Variants in RARS2 observed in about 807,000 individuals in gnomAD.
RARS2 encodes probable arginine--tRNA ligase, mitochondrial.
RARS2 carries 67 observed loss-of-function variants against 88.5 expected under a neutral mutation model. The ratio of observed to expected loss-of-function variants is 0.76; its 90% CI spans 0.62 to 0.93. The LOEUF (loss-of-function observed/expected upper bound fraction) is 0.93, where lower values mean the gene tolerates loss of function less well. Among genes scored for constraint, RARS2 ranks in the 40% least tolerant of loss-of-function variants. The pLI, the probability that RARS2 is intolerant of heterozygous loss-of-function variation, is 0.00. For synonymous variants in RARS2, 239 were observed against 230.3 expected (o/e 1.04, Z -0.34); for missense variants, 664 against 684.2 (o/e 0.97, Z 0.33).
In RARS2 at chr6:87,519,697, C is replaced by A; in HGVS notation, c.1123G>T (p.Val375Leu). Residue 375 changes from valine to leucine, a missense_variant, in exon 14 of 20, where the codon GTG becomes TTG. Val to Leu is a conservative substitution (Grantham distance 32). Transcript: ENST00000369536. The stretch of plus-strand genomic sequence containing the variant: ...ATTCCCTGTACTACTCCAAAGGGCA[C>A]GTGCTGGCACCTAAAAGAGTGGGCA... ...GYDWAERCQH[V>L]PFGVVQGMKT... 6.2e-7 allele frequency: 1 copy of A among 1,613,994 alleles called. No homozygotes were observed. The highest frequency in any genetic ancestry group is 8.5e-7 in the Non-Finnish European group (1 of 1,179,872).
At chr6:87,525,750 T>C (rs533130402) in intron 10 of RARS2, among the ~76,000 whole-genome samples, 222 of 152,302 alleles carry the variant, frequency 1.5e-3, no homozygotes, top group Middle Eastern at 3.4e-3. Flanking sequence ...TTTCACTATG[T>C]TGGCCAGGCT....
At chr6:87,542,665 A>G (rs1781366675) in intron 7 of RARS2, among the ~76,000 whole-genome samples, 1 of 151,914 alleles carries the variant, frequency 6.6e-6, no homozygotes, top group South Asian at 2.1e-4. Context: ...AAAAAAGAAA[A>G]AAAAAAACCC....
At chr6:87,519,052 AC>A in intron 14 of RARS2, 161 bp from the exon 15 acceptor site, 1 of 710,926 alleles carries the variant, frequency 1.4e-6, no homozygotes, top group Non-Finnish European at 2.5e-6. Context: ...TTTGATAATG[AC>A]ATTTCCCCTG....
At chr6:87,529,790 T>C in intron 9 of RARS2, 142 bp from the exon 10 acceptor site, 1 of 673,120 alleles carries the variant, frequency 1.5e-6, no homozygotes, top group East Asian at 2.9e-5. Flanking sequence ...GTGTGGTGGC[T>C]CATGCCCATA....
rs185850768 is a variant in RARS2, at chr6:87,559,542, G to A, written c.297+3160C>T. ...GGCTGGAGTACAGCAGTGTGATCCT[G>A]TACAGCAGTGTTATCCTAGTTCATT... On this transcript the variant is annotated intron_variant, in intron 4 of 19. Coordinates refer to ENST00000369536, the MANE Select transcript of RARS2 (RefSeq NM_020320.5). 4.7e-5 allele frequency among the ~76,000 whole-genome samples: 7 copies of A among 150,206 alleles called. No individual in the cohort carries two copies. The East Asian group carries it at 1.4e-3, about 30-fold the overall frequency.
In RARS2 at chr6:87,545,662, A is replaced by G. The variant is rs368739929; in HGVS notation, c.489T>C (p.His163=). ...FIANLKEALG[H]QVIRINYLGD... is the part of the protein sequence containing the mutation. Reference sequence around the variant, plus strand: ...CAAGGTAATTTATTCTTATTACTTGATGTCCTAAAGCTTCTTTGAGATTTG... The same window carrying G: ...CAAGGTAATTTATTCTTATTACTTGGTGTCCTAAAGCTTCTTTGAGATTTG... The change falls in exon 7 of 20, where the codon CAT becomes CAC. Residue 163 remains histidine (H), a synonymous_variant. Transcript: ENST00000369536. 6.2e-7 allele frequency: 1 copy of G among 1,613,678 alleles called. No individual in the cohort carries two copies. Among genetic ancestry groups the G allele is most frequent in the South Asian group, 1.1e-5 (1 of 91,080 alleles).
chr6:87,545,129 T>C (rs1782211365), intron 7 of RARS2, among the ~76,000 whole-genome samples: 1 of 152,232 alleles, frequency 6.6e-6, no homozygotes, highest in Non-Finnish European at 1.5e-5. Context: ...GACAAGGTCC[T>C]GCTCTGTCAA....
chr6:87,537,524 A>G (rs879880263), intron 8 of RARS2, among the ~76,000 whole-genome samples: 1 of 152,222 alleles, frequency 6.6e-6, no homozygotes, highest in Non-Finnish European at 1.5e-5. Flanking sequence ...TACATTTTAT[A>G]TTCCACAAAT....
chr6:87,557,511 T>C (rs1429132440), intron 4 of RARS2, among the ~76,000 whole-genome samples: 1 of 152,192 alleles, frequency 6.6e-6, no homozygotes, highest in East Asian at 1.9e-4. Flanking sequence ...GAATTCTCTT[T>C]AACAATAACC....
chr6:87,587,215 A>G (rs1349572525), intron 1 of RARS2, among the ~76,000 whole-genome samples: 1 of 152,204 alleles, frequency 6.6e-6, no homozygotes, highest in African/African-American at 2.4e-5. Context: ...TTCTCCAATG[A>G]ACATTTCCAA....
At chr6:87,559,185 G>GA (rs1221381958) in intron 4 of RARS2, among the ~76,000 whole-genome samples, 4 of 151,952 alleles carry the variant, frequency 2.6e-5, no homozygotes, top group Non-Finnish European at 5.9e-5. Context: ...TAAACAAGCT[G>GA]AGATATAAAG....
chr6:87,583,110 G>A (rs990011095), intron 1 of RARS2, among the ~76,000 whole-genome samples: 3 of 152,124 alleles, frequency 2.0e-5, no homozygotes, highest in African/African-American at 4.8e-5. Flanking sequence ...AGAGGTAAAG[G>A]AGCATTATGT....
Position 87,573,973 on chromosome 6 carries a change from G to GAA in RARS2, c.37-4385_37-4384dup, listed in dbSNP as rs535063134. On this transcript the variant is annotated intron_variant, in intron 1 of 19. Transcript: ENST00000369536. ...AGGCTAACTCAGTCCTCATGTATCA[G>GAA]AAGTCAGAGATGAATTAACAATTCT... 1.5e-3 allele frequency among the ~76,000 whole-genome samples: 231 copies of GAA among 152,318 alleles called. 1 individual carries two copies. Among genetic ancestry groups the GAA allele is most frequent in the Middle Eastern group, 0.01 (3 of 294 alleles).
At chr6:87,525,903 A>T (rs1345057125) in intron 10 of RARS2, among the ~76,000 whole-genome samples, 3 of 152,200 alleles carry the variant, frequency 2.0e-5, no homozygotes, top group Non-Finnish European at 2.9e-5. Flanking sequence ...AAATTTAAAA[A>T]AAAATCCCAT....
chr6:87,551,785 T>C (rs1466966750), intron 5 of RARS2, among the ~76,000 whole-genome samples: 1 of 152,084 alleles, frequency 6.6e-6, no homozygotes, highest in Non-Finnish European at 1.5e-5. Context: ...GTCTCCAATC[T>C]GTTTTGCGAG....
chr6:87,569,630 C>T (rs1186622156), intron 1 of RARS2, 40 bp from the exon 2 acceptor site: 2 of 1,479,396 alleles, frequency 1.4e-6, no homozygotes, highest in Admixed American at 3.3e-5. Flanking sequence ...AGATTGTTCA[C>T]ATATTTGTTC....
chr6:87,541,818 T>A, intron 8 of RARS2, 100 bp downstream of exon 8: 1 of 910,808 alleles, frequency 1.1e-6, no homozygotes, highest in Non-Finnish European at 1.7e-6. Context: ...AGCGAGACCC[T>A]GTCTCAAAAT....
chr6:87,586,167 T>C (rs1186509090), intron 1 of RARS2, among the ~76,000 whole-genome samples: 1 of 152,154 alleles, frequency 6.6e-6, no homozygotes, highest in Non-Finnish European at 1.5e-5. Context: ...AAGGCTGTTG[T>C]AAGCAGTCAA....
At chr6:87,543,567 G>A (rs2128111769) in intron 7 of RARS2, among the ~76,000 whole-genome samples, 1 of 152,228 alleles carries the variant, frequency 6.6e-6, no homozygotes, top group African/African-American at 2.4e-5. Context: ...CTTGAACCTG[G>A]GAGGCGGAGG....
Sources: gnomAD v4.1 joint callset for allele counts (sites outside exome capture counted in the v4.1 genomes callset) on GRCh38, gnomAD v4.1.1 for gene constraint, MANE v1.5 for transcripts, NCBI Gene and HGNC (gene_info 2026-07-23, HGNC 2026-07-21) for gene names.